KHDRBS2: variants seen among roughly 807,000 people sequenced by gnomAD.
KHDRBS2 encodes the protein KH RNA binding domain containing, signal transduction associated 2, also known as KH domain-containing, RNA-binding, signal transduction-associated protein 2.
A neutral mutation model predicts 44.3 loss-of-function variants in KHDRBS2; 26 were observed. The ratio of observed to expected loss-of-function variants is 0.59; its 90% CI spans 0.43 to 0.81. The LOEUF (loss-of-function observed/expected upper bound fraction) is 0.81. Among genes scored for constraint, KHDRBS2 ranks in the 40% least tolerant of loss-of-function variants. The pLI is 0.00. For missense variants in KHDRBS2, 476 were observed against 433.1 expected, an observed-to-expected ratio of 1.10 and a Z score of -0.88; for synonymous variants, 194 against 151.1, an observed-to-expected ratio of 1.28 and a Z score of -2.08.
At position 62,168,417 on chromosome 6, in the gene KHDRBS2, C is replaced by A. The variant is rs116361349; in HGVS notation, c.219+8768G>T. 3.5e-3 allele frequency among the ~76,000 whole-genome samples: 538 copies of A among 152,226 alleles called. 5 individuals are homozygous for A. The highest frequency in any genetic ancestry group is 0.012 in the African/African-American group (513 of 41,550). On this transcript the variant is annotated intron_variant, in intron 2 of 8. Coordinates refer to ENST00000281156, the MANE Select transcript of KHDRBS2 (RefSeq NM_152688.4). ...AATTGCCTAGGTGAACAAACAGGTA[C>A]ACCAGCAAGCAACAAGTAGATACCC...
At chr6:62,204,551 C>T (rs1262052719) in intron 1 of KHDRBS2, among the ~76,000 whole-genome samples, 2 of 152,108 alleles carry the variant, frequency 1.3e-5, no homozygotes, top group African/African-American at 4.8e-5. Context: ...TTAAGCACCA[C>T]GTCAGCACTC....
intron 7 of KHDRBS2, 30 bp from the exon 8 acceptor site, chr6:61,697,283 T>C (rs1768010866): frequency 7.0e-7 from 1 of 1,420,954 alleles, no homozygotes; most frequent in Non-Finnish European, 1.0e-6. Flanking sequence ...CAATCAATGT[T>C]ACTATAACCA....
chr6:61,959,197 T>C (rs546239415), intron 4 of KHDRBS2, among the ~76,000 whole-genome samples: 1 of 152,300 alleles, frequency 6.6e-6, no homozygotes, highest in South Asian at 2.1e-4. Context: ...GATGAGATTG[T>C]TAAGAATAGA....
chr6:61,811,762 A>T (rs924707207), intron 6 of KHDRBS2, among the ~76,000 whole-genome samples: 1 of 152,014 alleles, frequency 6.6e-6, no homozygotes, highest in African/African-American at 2.4e-5. Flanking sequence ...ACATTTTTAT[A>T]GTTGGCTTTT....
intron 4 of KHDRBS2, among the ~76,000 whole-genome samples, chr6:61,959,912 T>A (rs181548603): frequency 6.6e-6 from 1 of 152,262 alleles, no homozygotes; most frequent in African/African-American, 2.4e-5. Context: ...TAGGTATATG[T>A]TTTTCCTTTT....
At chr6:62,160,001 A>T (rs1817290684) in intron 2 of KHDRBS2, among the ~76,000 whole-genome samples, 1 of 152,068 alleles carries the variant, frequency 6.6e-6, no homozygotes, top group Non-Finnish European at 1.5e-5. Flanking sequence ...TTCAACTGTC[A>T]TTTGTATTCT....
the KHDRBS2 span, among the ~76,000 whole-genome samples, chr6:61,563,806 A>C: frequency 1.3e-5 from 2 of 152,148 alleles, no homozygotes; most frequent in African/African-American, 4.8e-5. Context: ...AGAGCCTGAG[A>C]GAGGATAAGA....
intron 6 of KHDRBS2, among the ~76,000 whole-genome samples, chr6:61,870,499 C>G (rs1798510684): frequency 6.6e-6 from 1 of 152,152 alleles, no homozygotes. Context: ...CCTGACAGCT[C>G]TGAAGAGGGC....
intron 3 of KHDRBS2, among the ~76,000 whole-genome samples, chr6:62,001,106 G>T (rs576455532): frequency 1.3e-5 from 2 of 152,116 alleles, no homozygotes; most frequent in African/African-American, 4.8e-5. Context: ...AGCTTCTTAC[G>T]TTCTGGTCAC....
At chr6:61,943,912 G>A (rs1812664336) in intron 4 of KHDRBS2, among the ~76,000 whole-genome samples, 1 of 152,104 alleles carries the variant, frequency 6.6e-6, no homozygotes, top group Non-Finnish European at 1.5e-5. Flanking sequence ...AAAATGCTCA[G>A]TATCAGTAGA....
At chr6:62,205,282 A>G (rs1827752188) in intron 1 of KHDRBS2, among the ~76,000 whole-genome samples, 1 of 152,160 alleles carries the variant, frequency 6.6e-6, no homozygotes, top group South Asian at 2.1e-4. Context: ...TGTCCATAAA[A>G]ATGTGGCAGG....
At chr6:62,283,105 A>C (rs116648476) in intron 1 of KHDRBS2, among the ~76,000 whole-genome samples, 1 of 152,274 alleles carries the variant, frequency 6.6e-6, no homozygotes, top group African/African-American at 2.4e-5. Context: ...CACCTACCAT[A>C]ACAAGTGGAT....
chr6:62,198,345 TA>T (rs1826132383), intron 1 of KHDRBS2, among the ~76,000 whole-genome samples: 1 of 151,914 alleles, frequency 6.6e-6, no homozygotes, highest in South Asian at 2.1e-4. Context: ...CTAGCAAGAC[TA>T]ATAAAGAAGA....
intron 1 of KHDRBS2, among the ~76,000 whole-genome samples, chr6:62,258,736 A>G (rs1027799185): frequency 5.5e-4 from 83 of 152,048 alleles, no homozygotes; most frequent in African/African-American, 1.8e-3. Flanking sequence ...AATATTCCAA[A>G]ATCTGAAGAA....
intron 5 of KHDRBS2, among the ~76,000 whole-genome samples, chr6:61,897,980 AATT>A (rs1319820852): frequency 1.3e-5 from 2 of 152,152 alleles, no homozygotes; most frequent in Non-Finnish European, 1.5e-5. Context: ...ATGCAAAATA[AATT>A]ATTATTACAA....
At chr6:62,042,369 C>T (rs977655283) in intron 3 of KHDRBS2, among the ~76,000 whole-genome samples, 10 of 152,110 alleles carry the variant, frequency 6.6e-5, no homozygotes, top group African/African-American at 2.4e-4. Context: ...TTCTTTCCTT[C>T]AGAAGGCCAG....
intron 4 of KHDRBS2, among the ~76,000 whole-genome samples, chr6:61,924,544 T>G (rs1423644254): frequency 1.3e-5 from 2 of 151,692 alleles, no homozygotes; most frequent in Non-Finnish European, 2.9e-5. Flanking sequence ...ACACTATAAT[T>G]TTTAAAAGTC....
intron 1 of KHDRBS2, among the ~76,000 whole-genome samples, chr6:62,262,931 C>G (rs1382156541): frequency 6.6e-6 from 1 of 151,618 alleles, no homozygotes; most frequent in African/African-American, 2.4e-5. Context: ...ACATGTAAAA[C>G]TGATACCTTG....
the KHDRBS2 span, among the ~76,000 whole-genome samples, chr6:61,604,186 T>C: frequency 6.6e-6 from 1 of 152,190 alleles, no homozygotes; most frequent in East Asian, 1.9e-4. Context: ...ATTACCTCAC[T>C]ATACAAGGGT....
Sources: allele counts gnomAD v4.1 joint callset (sites outside exome capture counted in the v4.1 genomes callset), GRCh38; gene constraint gnomAD v4.1.1; transcripts MANE v1.5; gene names NCBI Gene and HGNC (gene_info 2026-07-23, HGNC 2026-07-21).